TMEM143: variants seen among roughly 807,000 people sequenced by gnomAD.
TMEM143 encodes the protein transmembrane protein 143.
A neutral mutation model predicts 40.3 loss-of-function variants in TMEM143; 45 were observed. That is an observed-to-expected ratio of 1.12 (90% CI 0.88 to 1.43). TMEM143 has a LOEUF of 1.43. Among genes scored for constraint, TMEM143 ranks in the 40% most tolerant of loss-of-function variants. The probability of loss-of-function intolerance (pLI) is 0.00; values close to 1 mark genes in which losing one functional copy is unlikely to be tolerated. For synonymous variants in TMEM143, 299 were observed against 282.7 expected, an observed-to-expected ratio of 1.06 and a Z score of -0.58; for missense variants, 620 against 613.4, an observed-to-expected ratio of 1.01 and a Z score of -0.11.
intron 2 of TMEM143, among the ~76,000 whole-genome samples, chr19:48,362,135 T>C (rs1233823986): frequency 1.3e-5 from 2 of 152,216 alleles, no homozygotes; most frequent in Non-Finnish European, 2.9e-5. Context: ...TATTTGTGTG[T>C]GTACTTGTAT....
At chr19:48,361,212 G>A (rs913905448) in intron 2 of TMEM143, among the ~76,000 whole-genome samples, 6 of 151,004 alleles carry the variant, frequency 4.0e-5, no homozygotes, top group Non-Finnish European at 7.4e-5. Flanking sequence ...GGTACACATT[G>A]AACCATTTCC....
chr19:48,337,871 G>T (rs1055693678), intron 6 of TMEM143, among the ~76,000 whole-genome samples: 1 of 152,194 alleles, frequency 6.6e-6, no homozygotes, highest in Non-Finnish European at 1.5e-5. Flanking sequence ...AATAGCATGC[G>T]TTAGGGACCG....
chr19:48,334,174 C>G lies in TMEM143; in HGVS notation c.999G>C (p.Ala333=). ...GCATGTGCGCCAGCTCCAACGCCTG[C>G]GCGCTGCGCCGCTGCCCGAACATCT... ...ASKMFGQRRS[A]QALELAHMLY... The change falls in exon 7 of 8, where the codon GCG becomes GCC. Residue 333 remains alanine (A), a synonymous_variant. Transcript: ENST00000293261. 6.2e-7 allele frequency: 1 copy of G among 1,604,560 alleles called. No homozygotes were observed. Among genetic ancestry groups the G allele is most frequent in the Non-Finnish European group, 8.5e-7 (1 of 1,176,202 alleles).
intron 5 of TMEM143, 166 bp downstream of exon 5, chr19:48,343,155 C>A (rs1009060081): frequency 4.5e-6 from 4 of 888,350 alleles, no homozygotes; most frequent in Non-Finnish European, 6.7e-6. Context: ...GTGTAGTACT[C>A]ACTTTCCCTT....
At position 48,363,129 on chromosome 19, in the gene TMEM143, A is replaced by G. The variant is rs187585043; in HGVS notation, c.264+162T>C. Among the ~76,000 whole-genome samples the G allele has an allele frequency of 4.5e-3, 692 of 152,306 alleles. 2 individuals are homozygous for G. The highest frequency in any genetic ancestry group is 8.1e-3 in the Non-Finnish European group (550 of 68,024). On this transcript the variant is annotated intron_variant, in intron 2 of 7. Transcript: ENST00000293261. The stretch of plus-strand genomic sequence containing the variant: ...TGCATCTCGGAGACCTGGCTCCTGC[A>G]TTCCAGCTCATCTCCCGCCCACTAG...
Position 48,363,931 on chromosome 19 carries a change from G to A in TMEM143, c.-11C>T. The A allele has an allele frequency of 6.2e-7, 1 of 1,613,192 alleles. No individual in the cohort carries two copies. Among genetic ancestry groups the A allele is most frequent in the East Asian group, 2.2e-5 (1 of 44,830 alleles). On this transcript the variant is annotated 5_prime_UTR_variant, in exon 1 of 8. Transcript: ENST00000293261. ...AAGCTCGACTGTCATTGAGCCTCCT[G>A]CGCATGTGCAGGAGGGCGTCCTGGG...
At position 48,334,017 on chromosome 19, in the gene TMEM143, A is replaced by G; in HGVS notation, c.1156T>C (p.Ser386Pro). The part of the protein sequence containing the change: ...LARRPGGTQG[S>P]PEETSRWLRS... ...CAGGGCCACGTCCTACCTTCGGGCG[A>G]GCCTTGAGTGCCCCCTGGCCGCCGG... Residue 386 changes from serine to proline, a missense_variant, in exon 7 of 8, where the codon TCG (serine) becomes CCG (proline). Transcript: ENST00000293261. The G allele has an allele frequency of 6.4e-7, 1 of 1,551,370 alleles. No individual in the cohort carries two copies. The highest frequency in any genetic ancestry group is 1.2e-5 in the South Asian group (1 of 85,236).
At chr19:48,350,150 G>A (rs906397314) in intron 3 of TMEM143, among the ~76,000 whole-genome samples, 6 of 151,280 alleles carry the variant, frequency 4.0e-5, no homozygotes, top group African/African-American at 1.2e-4. Context: ...ACAGGAGCCC[G>A]CTACCATGCC....
chr19:48,347,352 A>C (rs1311829859), intron 3 of TMEM143, among the ~76,000 whole-genome samples: 1 of 152,114 alleles, frequency 6.6e-6, no homozygotes, highest in Non-Finnish European at 1.5e-5. Flanking sequence ...GGAATGGCCT[A>C]AGTGAAGGTT....
chr19:48,363,168 G>T, intron 2 of TMEM143, 123 bp downstream of exon 2: 1 of 1,348,822 alleles, frequency 7.4e-7, no homozygotes, highest in Non-Finnish European at 9.8e-7. Flanking sequence ...AACACGAAGG[G>T]ACCCGGGAAC....
intron 4 of TMEM143, among the ~76,000 whole-genome samples, chr19:48,344,665 T>C (rs140708391): frequency 6.6e-6 from 1 of 152,294 alleles, no homozygotes; most frequent in East Asian, 1.9e-4. Context: ...TATCATATGA[T>C]ACTTTTCCAA....
At chr19:48,346,743 A>G (rs1327152368) in intron 3 of TMEM143, among the ~76,000 whole-genome samples, 1 of 151,418 alleles carries the variant, frequency 6.6e-6, no homozygotes, top group Non-Finnish European at 1.5e-5. Context: ...ACGCCTGGCT[A>G]ATTTTTGTAT....
intron 6 of TMEM143, among the ~76,000 whole-genome samples, chr19:48,334,511 TTC>T (rs1569022652): frequency 6.8e-6 from 1 of 147,802 alleles, no homozygotes; most frequent in East Asian, 1.9e-4. Context: ...TTTCTTTCTT[TTC>T]TTTCTTTCTC....
intron 3 of TMEM143, 42 bp from the exon 4 acceptor site, chr19:48,345,396 G>A (rs1449672302): frequency 6.9e-7 from 1 of 1,454,324 alleles, no homozygotes; most frequent in Non-Finnish European, 9.2e-7. Flanking sequence ...ATAGGTCTCT[G>A]CATGAAGGAT....
chr19:48,339,031 G>A (rs765097963), intron 6 of TMEM143, among the ~76,000 whole-genome samples: 4 of 152,180 alleles, frequency 2.6e-5, no homozygotes, highest in African/African-American at 7.2e-5. Flanking sequence ...GCGCAGATTC[G>A]AGGGGAAGGA....
At chr19:48,335,003 T>C (rs1969335870) in intron 6 of TMEM143, among the ~76,000 whole-genome samples, 1 of 152,220 alleles carries the variant, frequency 6.6e-6, no homozygotes, top group Admixed American at 6.5e-5. Context: ...CATGTATTAA[T>C]GGATTTACCC....
chr19:48,359,130 A>T (rs1460368808), intron 3 of TMEM143, among the ~76,000 whole-genome samples: 1 of 152,064 alleles, frequency 6.6e-6, no homozygotes, highest in South Asian at 2.1e-4. Context: ...AGATCGCACC[A>T]CTGCACTCCA....
chr19:48,354,261 TTTC>T (rs1969836350), intron 3 of TMEM143, among the ~76,000 whole-genome samples: 1 of 138,774 alleles, frequency 7.2e-6, no homozygotes, highest in African/African-American at 2.9e-5. Flanking sequence ...GCCCAGACTT[TTTC>T]TTTTTTTTTT....
intron 6 of TMEM143, 89 bp from the exon 7 acceptor site, chr19:48,334,286 C>A (rs1969292962): frequency 7.1e-7 from 1 of 1,399,698 alleles, no homozygotes; most frequent in Non-Finnish European, 9.6e-7. Flanking sequence ...TGGCACGGCC[C>A]ACGCCGCTTA....
Sources: allele counts gnomAD v4.1 joint callset (sites outside exome capture counted in the v4.1 genomes callset), GRCh38; gene constraint gnomAD v4.1.1; transcripts MANE v1.5; gene names NCBI Gene and HGNC (gene_info 2026-07-23, HGNC 2026-07-21).